The following SCN7A variants were observed in gnomAD, a reference collection of about 807,000 sequenced individuals.
SCN7A encodes sodium voltage-gated channel alpha subunit 7.
SCN7A carries 138 observed loss-of-function variants against 155.2 expected under a neutral mutation model. The ratio of observed to expected loss-of-function variants is 0.89; its 90% CI spans 0.77 to 1.02. The LOEUF is 1.02. SCN7A is among the 50% of genes least tolerant of loss of function. SCN7A has a pLI of 0.00. For missense variants in SCN7A, 2,058 were observed against 1,986.6 expected, an observed-to-expected ratio of 1.04 and a Z score of -0.68; for synonymous variants, 693 against 649.0, an observed-to-expected ratio of 1.07 and a Z score of -1.03.
chr2:166,405,797 A>T lies in SCN7A; in HGVS notation c.4832T>A (p.Ile1611Asn). 6.2e-7 allele frequency: 1 copy of T among 1,613,064 alleles called. No homozygotes were observed. The highest frequency in any genetic ancestry group is 8.5e-7 in the Non-Finnish European group (1 of 1,179,384). Residue 1611 changes from isoleucine (I) to asparagine (N), a missense_variant, in exon 26 of 26, where the codon ATC becomes AAC. Physicochemically the swap from Ile to Asn is moderately radical, Grantham distance 149. Transcript: ENST00000643258. ...SGFLLANPFK[I>N]TCEPITTTLK... ...AGTAGTCGTAATTGGCTCACATGTGATCTTAAAAGGGTTGGCTAACAAAAA... is the reference window on the plus strand; with the variant it reads ...AGTAGTCGTAATTGGCTCACATGTGTTCTTAAAAGGGTTGGCTAACAAAAA...
intron 11 of SCN7A, among the ~76,000 whole-genome samples, chr2:166,452,880 T>C (rs1702202693): frequency 6.6e-6 from 1 of 152,166 alleles, no homozygotes; most frequent in Admixed American, 6.6e-5. Context: ...GTCTGGTGCA[T>C]ATCTGACACT....
chr2:166,467,538 C>A (rs1186759077), intron 7 of SCN7A, among the ~76,000 whole-genome samples: 1 of 149,852 alleles, frequency 6.7e-6, no homozygotes, highest in Non-Finnish European at 1.5e-5. Context: ...TAGATAATTT[C>A]CATCATATAC....
chr2:166,463,214 T>C (rs1331275235), intron 9 of SCN7A, among the ~76,000 whole-genome samples: 1 of 152,196 alleles, frequency 6.6e-6, no homozygotes, highest in Non-Finnish European at 1.5e-5. Context: ...ATTAAATATT[T>C]ATTTTATTTC....
chr2:166,492,544 A>T (rs973735930), intron 1 of SCN7A, among the ~76,000 whole-genome samples: 15 of 152,226 alleles, frequency 9.9e-5, no homozygotes, highest in African/African-American at 3.6e-4. Flanking sequence ...TACAAGGTTT[A>T]AATATGCAAA....
chr2:166,475,659 A>T (rs1292095739), intron 3 of SCN7A, among the ~76,000 whole-genome samples: 1 of 151,922 alleles, frequency 6.6e-6, no homozygotes, highest in Non-Finnish European at 1.5e-5. Context: ...ACAATCTCAA[A>T]CTTCACACAA....
In SCN7A at chr2:166,406,168, A is replaced by G; in HGVS notation, c.4461T>C (p.Ile1487=). The G allele has an allele frequency of 6.2e-7, 1 of 1,612,512 alleles. No homozygotes were observed. Reference sequence around the variant, plus strand: ...TGACAACAACAATGTACATATTTACAATGATCAGCCATGATATGAGGATAT... The same window carrying G: ...TGACAACAACAATGTACATATTTACGATGATCAGCCATGATATGAGGATAT... ...VSYILISWLI[I]VNMYIVVVME... Residue 1487 remains isoleucine, a synonymous_variant, in exon 26 of 26, where the codon ATT becomes ATC. Coordinates refer to ENST00000643258, the MANE Select transcript of SCN7A (RefSeq NM_002976.4).
chr2:166,479,056 G>T (rs1702863350), intron 2 of SCN7A, among the ~76,000 whole-genome samples: 1 of 151,970 alleles, frequency 6.6e-6, no homozygotes, highest in Non-Finnish European at 1.5e-5. Flanking sequence ...TGCAATTAAA[G>T]ATAATAAATT....
chr2:166,409,250 T>G (rs1010386790), intron 25 of SCN7A, among the ~76,000 whole-genome samples: 16 of 151,984 alleles, frequency 1.1e-4, no homozygotes, highest in African/African-American at 3.6e-4. Context: ...AGCCTGAAAC[T>G]CTAATGTTGT....
Position 166,406,598 on chromosome 2 carries a change from A to G in SCN7A, c.4031T>C (p.Leu1344Pro). 1 of 1,612,082 alleles carries G rather than the reference A, an allele frequency of 6.2e-7. No individual in the cohort carries two copies. The highest frequency in any genetic ancestry group is 1.7e-5 in the Admixed American group (1 of 59,830). ...TVGSYLVPPSLVQLILLSRII... is the reference protein window; with the variant it reads ...TVGSYLVPPSPVQLILLSRII... ...CCGTGAGAGAAGTATCAGTTGCACA[A>G]GTGAAGGAGGCACAAGGTAGGATCC... Residue 1344 changes from leucine (L) to proline (P), a missense_variant, in exon 26 of 26, where the codon CTT becomes CCT. Transcript: ENST00000643258.
At chr2:166,482,007 A>G (rs1396733524) in intron 2 of SCN7A, among the ~76,000 whole-genome samples, 1 of 152,150 alleles carries the variant, frequency 6.6e-6, no homozygotes, top group East Asian at 1.9e-4. Context: ...ATGTGGACGC[A>G]CATACTCCTT....
chr2:166,493,479 C>T (rs770660898), intron 1 of SCN7A, among the ~76,000 whole-genome samples: 2 of 152,218 alleles, frequency 1.3e-5, no homozygotes, highest in African/African-American at 2.4e-5. Flanking sequence ...ACTGACTAAA[C>T]TGAGCACACC....
chr2:166,467,705 G>A lies in SCN7A; in HGVS notation c.665-1718C>T, dbSNP rs187035202. 1.8e-4 allele frequency among the ~76,000 whole-genome samples: 27 copies of A among 151,354 alleles called. No individual in the cohort carries two copies. The East Asian group carries it at 5.2e-3, about 29-fold the overall frequency. ...AAGTTCCGGGTCTTACACCAATTTC[G>A]ATCTTAATTTTCTGGTATAACTTCC... is the stretch of plus-strand genomic sequence containing the variant. On this transcript the variant is annotated intron_variant, in intron 7 of 25. Transcript: ENST00000643258.
At chr2:166,418,284 CTTTTTTTTTTTTT>C (rs71031244) in intron 20 of SCN7A, among the ~76,000 whole-genome samples, 1 of 60,668 alleles carries the variant, frequency 1.6e-5, no homozygotes, top group Non-Finnish European at 3.1e-5. Flanking sequence ...CCCCGCCAGG[CTTTTTTTTTTTTT>C]TTTTTTTTTT....
rs544483211 is a variant in SCN7A at position 166,459,883 on chromosome 2, A to C, written c.1083+2506T>G. Among the ~76,000 whole-genome samples the C allele has an allele frequency of 4.0e-4, 61 of 152,230 alleles. 1 individual carries two copies. The highest frequency in any genetic ancestry group is 1.2e-3 in the Admixed American group (19 of 15,294). On this transcript the variant is annotated intron_variant, in intron 10 of 25. Coordinates refer to ENST00000643258, the MANE Select transcript of SCN7A (RefSeq NM_002976.4). The stretch of plus-strand genomic sequence containing the variant: ...CAGCAAACTAACACAAGAACAGAAA[A>C]CCAAACACCACATATTCTCACTCAT...
intron 3 of SCN7A, among the ~76,000 whole-genome samples, chr2:166,475,121 C>CACACAT (rs1226805861): frequency 5.0e-4 from 51 of 102,210 alleles, no homozygotes; most frequent in African/African-American, 2.0e-3. Flanking sequence ...TATATATATA[C>CACACAT]ATATATATAT....
At chr2:166,451,746 T>A (rs1459632973) in intron 11 of SCN7A, among the ~76,000 whole-genome samples, 1 of 152,106 alleles carries the variant, frequency 6.6e-6, no homozygotes, top group Non-Finnish European at 1.5e-5. Flanking sequence ...ACTCAGAGAA[T>A]CCTTTACAAA....
At chr2:166,413,034 C>T (rs745727797) in intron 22 of SCN7A, 34 bp downstream of exon 22, 2 of 1,438,810 alleles carry the variant, frequency 1.4e-6, no homozygotes, top group South Asian at 2.6e-5. Flanking sequence ...TTGCTTGTAT[C>T]CTAACAATGG....
intron 13 of SCN7A, 129 bp from the exon 14 acceptor site, chr2:166,443,805 A>T: frequency 1.5e-6 from 1 of 675,216 alleles, no homozygotes; most frequent in South Asian, 2.1e-5. Context: ...CTCTGTCAAT[A>T]TCTGGTTAGT....
At chr2:166,473,133 C>T (rs934427895) in intron 5 of SCN7A, among the ~76,000 whole-genome samples, 1 of 151,508 alleles carries the variant, frequency 6.6e-6, no homozygotes, top group African/African-American at 2.4e-5. Context: ...CGCAAGTTTA[C>T]CTATGGAACA....
Sources: allele counts gnomAD v4.1 joint callset (sites outside exome capture counted in the v4.1 genomes callset), GRCh38; gene constraint gnomAD v4.1.1; transcripts MANE v1.5; gene names NCBI Gene and HGNC (gene_info 2026-07-23, HGNC 2026-07-21).